The following INSL3 variants were observed in gnomAD, a reference collection of about 807,000 sequenced individuals.
INSL3 encodes the protein insulin like 3.
A neutral mutation model predicts 5.5 loss-of-function variants in INSL3; 6 were observed. That is an observed-to-expected ratio of 1.08 (90% CI 0.59 to 2.14). The LOEUF is 2.14. INSL3 is among the 30% of genes most tolerant of loss of function. The probability of loss-of-function intolerance (pLI) is 0.00; values close to 1 mark genes in which losing one functional copy is unlikely to be tolerated. For synonymous variants in INSL3, 86 were observed against 82.1 expected (o/e 1.05, Z -0.26); for missense variants, 178 against 184.7 (o/e 0.96, Z 0.21).
At position 17,821,321 on chromosome 19, in the gene INSL3, G is replaced by A. The variant is rs1400553709; in HGVS notation, c.186C>T (p.Gly62=). The part of the protein sequence containing the change: ...STEARRPATG[G]DRELLQWLER... ...TCCCTGCCCGTCCCCACTCACGGTCGCCTCCGGTCGCAGGCCTCCTGGCTT... is the reference window on the plus strand; with the variant it reads ...TCCCTGCCCGTCCCCACTCACGGTCACCTCCGGTCGCAGGCCTCCTGGCTT... The change falls in exon 1 of 2, where the codon GGC becomes GGT. Residue 62 remains glycine (G), a synonymous_variant. Transcript: ENST00000317306. 7.1e-6 allele frequency: 11 copies of A among 1,546,758 alleles called. No individual in the cohort carries two copies. Among genetic ancestry groups the A allele is most frequent in the Non-Finnish European group, 1.7e-6 (2 of 1,146,672 alleles).
At chr19:17,821,269 G>C in intron 1 of INSL3, 48 bp downstream of exon 1, 1 of 1,534,378 alleles carries the variant, frequency 6.5e-7, no homozygotes, top group Non-Finnish European at 8.8e-7. Context: ...ACGTGCACCT[G>C]CCCCACCTCG....
In INSL3 at chr19:17,816,606, T is replaced by A; in HGVS notation, c.*248A>T. 1.8e-6 allele frequency: 1 copy of A among 565,642 alleles called. No individual in the cohort carries two copies. 35.0% of individuals were successfully genotyped at this position (565,642 alleles called of 1,614,324 possible). ...CTGGGGCTCCCCTGGAGTGAGGACA[T>A]TTGGCTGTCAGTGTCCAGCATCTGT... On this transcript the variant is annotated 3_prime_UTR_variant, in exon 2 of 2. Transcript: ENST00000317306.
Position 17,817,795 on chromosome 19 carries a change from C to CAAAAAAAAA in INSL3, c.191-745_191-737dup, listed in dbSNP as rs58956953. On this transcript the variant is annotated intron_variant, in intron 1 of 1. Coordinates refer to ENST00000317306, the MANE Select transcript of INSL3 (RefSeq NM_005543.4). ...AGGTGACAAGAATGAAACTCCATCT[C>CAAAAAAAAA]AAAAAAAAAAAAAAAAAAAAAAAGC... Among the ~76,000 whole-genome samples, 124 of 40,316 alleles carry CAAAAAAAAA rather than the reference C, an allele frequency of 3.1e-3. 12 individuals carry two copies. The highest frequency in any genetic ancestry group is 4.3e-3 in the Admixed American group (11 of 2,584). 26.4% of individuals were successfully genotyped at this position (40,316 alleles called of 152,430 possible). A position where few individuals can be genotyped will look rare whatever the true frequency, so the allele number is the denominator to read the frequency against.
In INSL3 at chr19:17,816,769, C is replaced by T; in HGVS notation, c.*85G>A. 1 of 1,356,490 alleles carries T rather than the reference C, an allele frequency of 7.4e-7. No individual in the cohort carries two copies. Among genetic ancestry groups the T allele is most frequent in the Non-Finnish European group, 1.0e-6 (1 of 955,904 alleles). 84.0% of individuals were successfully genotyped at this position (1,356,490 alleles called of 1,614,324 possible). A position where few individuals can be genotyped will look rare whatever the true frequency, so the allele number is the denominator to read the frequency against. ...TAATCAAAGGCCTGTAGATGCGAGA[C>T]TTTATGGTGCTGTGTGGCCTCAGGA... On this transcript the variant is annotated 3_prime_UTR_variant, in exon 2 of 2. Coordinates refer to ENST00000317306, the MANE Select transcript of INSL3 (RefSeq NM_005543.4).
In INSL3 at chr19:17,817,725, G is replaced by A. The variant is rs576754187; in HGVS notation, c.191-666C>T. On this transcript the variant is annotated intron_variant, in intron 1 of 1. Transcript: ENST00000317306. ...TGGGAGAATCACTTGAACCCAGGAG[G>A]TGGAGGTTGCAGGGAGCTGGGATCA... 3.3e-3 allele frequency among the ~76,000 whole-genome samples: 485 copies of A among 147,330 alleles called. 4 individuals are homozygous for A. Among genetic ancestry groups the A allele is most frequent in the Middle Eastern group, 0.01 (3 of 286 alleles).
In INSL3 at chr19:17,821,344, C is replaced by T; in HGVS notation, c.163G>A (p.Ala55Thr). The change falls in exon 1 of 2, where the codon GCC becomes ACC. Residue 55 changes from alanine (A) to threonine (T), a missense_variant. Coordinates refer to ENST00000317306, the MANE Select transcript of INSL3 (RefSeq NM_005543.4). ...VCGGPRWSTE[A>T]RRPATGGDRE... is the part of the protein sequence containing the mutation. ...TCGCCTCCGGTCGCAGGCCTCCTGG[C>T]TTCGGTGGACCAGCGGGGGCCCCCG... is the stretch of plus-strand genomic sequence containing the variant. 1 of 1,548,976 alleles carries T rather than the reference C, an allele frequency of 6.5e-7. No homozygotes were observed. The highest frequency in any genetic ancestry group is 2.4e-5 in the East Asian group (1 of 40,904).
chr19:17,818,807 CAG>C (rs530940776), intron 1 of INSL3, among the ~76,000 whole-genome samples: 2 of 151,832 alleles, frequency 1.3e-5, no homozygotes, highest in Non-Finnish European at 2.9e-5. Context: ...GGGCAGAAGA[CAG>C]AGATGTTATC....
rs58956953 is a variant in INSL3, at chr19:17,817,795, C to CAAAA, written c.191-740_191-737dup. ...AGGTGACAAGAATGAAACTCCATCTCAAAAAAAAAAAAAAAAAAAAAAAGC... is the reference window on the plus strand; with the variant it reads ...AGGTGACAAGAATGAAACTCCATCTCAAAAAAAAAAAAAAAAAAAAAAAAAAAGC... On this transcript the variant is annotated intron_variant, in intron 1 of 1. Transcript: ENST00000317306. 3.7e-3 allele frequency among the ~76,000 whole-genome samples: 150 copies of CAAAA among 40,224 alleles called. 15 individuals carry two copies. Among genetic ancestry groups the CAAAA allele is most frequent in the African/African-American group, 8.9e-3 (89 of 10,056 alleles). The allele number at this position is 40,224 out of a possible 152,430, so 26.4% of individuals were successfully genotyped here.
chr19:17,817,672 G>A (rs1203314196), intron 1 of INSL3, among the ~76,000 whole-genome samples: 7 of 151,022 alleles, frequency 4.6e-5, no homozygotes, highest in South Asian at 4.2e-4. Flanking sequence ...GTGGACGCCT[G>A]TAATCCCAGC....
At chr19:17,818,466 A>C (rs1175257510) in intron 1 of INSL3, among the ~76,000 whole-genome samples, 1 of 152,020 alleles carries the variant, frequency 6.6e-6, no homozygotes, top group African/African-American at 2.4e-5. Context: ...AAATACAAAA[A>C]TTAGCTGGGC....
intron 1 of INSL3, among the ~76,000 whole-genome samples, chr19:17,821,105 G>A (rs1401137234): frequency 1.3e-5 from 2 of 152,188 alleles, no homozygotes; most frequent in Non-Finnish European, 2.9e-5. Context: ...GCAGGCGTGA[G>A]CCACCACGCC....
intron 1 of INSL3, among the ~76,000 whole-genome samples, chr19:17,818,378 A>G (rs759729909): frequency 2.6e-5 from 4 of 152,112 alleles, no homozygotes; most frequent in Non-Finnish European, 4.4e-5. Flanking sequence ...CATTTTGGGA[A>G]GCCTAGGTGG....
Position 17,820,508 on chromosome 19 carries a change from A to C in INSL3, c.190+809T>G, listed in dbSNP as rs542098150. Reference sequence around the variant, plus strand: ...CTCCCTCTCTACGAAAAAGAAAAAAAAATTAGCTGGGTGTGGTGGCAGCAC... The same window carrying C: ...CTCCCTCTCTACGAAAAAGAAAAAACAATTAGCTGGGTGTGGTGGCAGCAC... On this transcript the variant is annotated intron_variant, in intron 1 of 1. Transcript: ENST00000317306. 1.6e-3 allele frequency: 438 copies of C among 268,938 alleles called. 1 individual carries two copies. The highest frequency in any genetic ancestry group is 5.8e-3 in the Middle Eastern group (4 of 686). The allele number at this position is 268,938 out of a possible 1,614,324, so 16.7% of individuals were successfully genotyped here. A position where few individuals can be genotyped will look rare whatever the true frequency, so the allele number is the denominator to read the frequency against.
chr19:17,819,210 G>C (rs933827552), intron 1 of INSL3, among the ~76,000 whole-genome samples: 1 of 149,630 alleles, frequency 6.7e-6, no homozygotes, highest in African/African-American at 2.4e-5. Context: ...CTCCAGCCTG[G>C]GTGATAGAGT....
Position 17,816,844 on chromosome 19 carries a change from C to G in INSL3, c.*10G>C. On this transcript the variant is annotated 3_prime_UTR_variant, in exon 2 of 2. Transcript: ENST00000317306. The stretch of plus-strand genomic sequence containing the variant: ...CCTCAGGCCACTCTGAGGCTGCACC[C>G]AAGGAGGAATCAGTAGGGACAGAGG... The G allele has an allele frequency of 1.2e-6, 2 of 1,612,670 alleles. No individual in the cohort carries two copies. The highest frequency in any genetic ancestry group is 8.5e-7 in the Non-Finnish European group (1 of 1,179,824).
intron 1 of INSL3, among the ~76,000 whole-genome samples, chr19:17,818,882 CTT>C (rs778998577): frequency 6.9e-6 from 1 of 144,570 alleles, no homozygotes; most frequent in Non-Finnish European, 1.5e-5. Flanking sequence ...TCAGCATCAG[CTT>C]TTTTTTTTTG....
chr19:17,820,284 AAAAT>A (rs1169876031), intron 1 of INSL3: 16 of 317,394 alleles, frequency 5.0e-5, no homozygotes, highest in Non-Finnish European at 6.0e-5. Context: ...GCTATGTCTC[AAAAT>A]AAATAAATAA....
At position 17,821,447 on chromosome 19, in the gene INSL3, C is replaced by A. The variant is rs1241459510; in HGVS notation, c.60G>T (p.Ala20=). ...LVLLGPALVF[A]LGPAPTPEMR... is the part of the protein sequence containing the mutation. ...TCTCTGGGGTGGGCGCGGGGCCCAA[C>A]GCGAACACCAGGGCAGGGCCCAGCA... The change falls in exon 1 of 2, where the codon GCG becomes GCT. Residue 20 remains alanine, a synonymous_variant. Transcript: ENST00000317306. 1 of 1,541,888 alleles carries A rather than the reference C, an allele frequency of 6.5e-7. No homozygotes were observed. The highest frequency in any genetic ancestry group is 8.8e-7 in the Non-Finnish European group (1 of 1,141,168).
Position 17,816,782 on chromosome 19 carries a change from T to C in INSL3, c.*72A>G. ...GTAGATGCGAGACTTTATGGTGCTG[T>C]GTGGCCTCAGGAGCTCACCAGACCA... On this transcript the variant is annotated 3_prime_UTR_variant, in exon 2 of 2. Coordinates refer to ENST00000317306, the MANE Select transcript of INSL3 (RefSeq NM_005543.4). 1 of 1,432,308 alleles carries C rather than the reference T, an allele frequency of 7.0e-7. No individual in the cohort carries two copies. Among genetic ancestry groups the C allele is most frequent in the Non-Finnish European group, 9.8e-7 (1 of 1,020,308 alleles). The allele number at this position is 1,432,308 out of a possible 1,614,324, so 88.7% of individuals were successfully genotyped here.
Sources: gnomAD v4.1 joint callset for allele counts (sites outside exome capture counted in the v4.1 genomes callset) on GRCh38, gnomAD v4.1.1 for gene constraint, MANE v1.5 for transcripts, NCBI Gene and HGNC (gene_info 2026-07-23, HGNC 2026-07-21) for gene names.